The following ICA1 variants were observed in gnomAD, a reference collection of about 807,000 sequenced individuals.
ICA1 encodes the protein islet cell autoantigen 1.
Under a neutral mutation model 71.0 loss-of-function variants are expected in ICA1, and 40 were observed. The ratio of observed to expected loss-of-function variants is 0.56; its 90% CI spans 0.44 to 0.73. The LOEUF (loss-of-function observed/expected upper bound fraction) is 0.73, where lower values mean the gene tolerates loss of function less well. Ranked by LOEUF, ICA1 falls within the 30% of genes least tolerant of loss-of-function variation. The pLI, the probability that ICA1 is intolerant of heterozygous loss-of-function variation, is 0.00. For synonymous variants in ICA1, 207 were observed against 209.5 expected, an observed-to-expected ratio of 0.99 and a Z score of 0.10; for missense variants, 578 against 576.5, an observed-to-expected ratio of 1.00 and a Z score of -0.03.
chr7:8,230,760 T>C lies in ICA1; in HGVS notation c.183+1830A>G, dbSNP rs543838754. On this transcript the variant is annotated intron_variant, in intron 3 of 13. Transcript: ENST00000402384. The stretch of plus-strand genomic sequence containing the variant: ...TATAACAATCGAAACAGATGCTTCC[T>C]GGTTCTACTTTCCTCCATTGCAGAA... Among the ~76,000 whole-genome samples the C allele has an allele frequency of 5.6e-4, 85 of 152,366 alleles. 3 individuals carry two copies. In the South Asian group the frequency reaches 0.017, roughly 30 times the overall value.
chr7:8,261,214 G>C (rs1812213123), intron 1 of ICA1, among the ~76,000 whole-genome samples: 1 of 152,076 alleles, frequency 6.6e-6, no homozygotes, highest in African/African-American at 2.4e-5. Context: ...CCCCAACCAG[G>C]CAGTTAATGC....
chr7:8,171,615 T>C (rs1808374302), intron 6 of ICA1, among the ~76,000 whole-genome samples: 1 of 151,876 alleles, frequency 6.6e-6, no homozygotes, highest in Non-Finnish European at 1.5e-5. Context: ...CTGTTTATGG[T>C]TTCATTTGCC....
At position 8,135,500 on chromosome 7, in the gene ICA1, C is replaced by T. The variant is rs147813244; in HGVS notation, c.1060+3340G>A. ...GGAAAGTTCATGAGAAAAGAGAAGG[C>T]GCTTTTTAGAACTTGCCACTTCGTA... is the stretch of plus-strand genomic sequence containing the variant. On this transcript the variant is annotated intron_variant, in intron 12 of 13. Transcript: ENST00000402384. 4.1e-4 allele frequency among the ~76,000 whole-genome samples: 62 copies of T among 152,204 alleles called. No homozygotes were observed. In the South Asian group the frequency reaches 4.1e-3, roughly 10 times the overall value.
chr7:8,189,228 T>C (rs763411195), intron 6 of ICA1, among the ~76,000 whole-genome samples: 3 of 152,180 alleles, frequency 2.0e-5, no homozygotes, highest in African/African-American at 7.2e-5. Context: ...GCACAAAGCA[T>C]GTGCCCTGAG....
At chr7:8,138,301 C>G (rs2348894) in intron 12 of ICA1, among the ~76,000 whole-genome samples, 147,433 of 152,264 alleles carry the variant, frequency 0.97, 71,401 homozygotes, top group East Asian at 1. Context: ...TAGAGACTTA[C>G]TACAGTAAAT....
intron 13 of ICA1, among the ~76,000 whole-genome samples, chr7:8,115,211 A>G (rs900453507): frequency 6.6e-6 from 1 of 152,200 alleles, no homozygotes; most frequent in Non-Finnish European, 1.5e-5. Context: ...ATGGTGAGAA[A>G]ACTATATCAA....
chr7:8,124,157 G>C (rs894380986), intron 13 of ICA1, among the ~76,000 whole-genome samples: 6 of 117,574 alleles, frequency 5.1e-5, no homozygotes, highest in African/African-American at 2.0e-4. Context: ...GTCTCGCTCT[G>C]TCGCCCAGGC....
Position 8,234,197 on chromosome 7 carries a change from C to T in ICA1, c.18-1442G>A, listed in dbSNP as rs531494087. On this transcript the variant is annotated intron_variant, in intron 2 of 13. Transcript: ENST00000402384. This position sits in a 1 kb window ranked among gnomAD's most constrained non-coding sequence, Gnocchi z 4.5. ...CACCACTGCACTTCATCCTGGGATA[C>T]GGGGCGAGACCCTGTCCCTCAAAAA... Among the ~76,000 whole-genome samples the T allele has an allele frequency of 1.5e-4, 23 of 152,086 alleles. No homozygotes were observed. The East Asian group carries it at 4.2e-3, about 28-fold the overall frequency.
At chr7:8,230,740 C>T (rs1445661875) in intron 3 of ICA1, among the ~76,000 whole-genome samples, 1 of 152,152 alleles carries the variant, frequency 6.6e-6, no homozygotes, top group Non-Finnish European at 1.5e-5. Context: ...TAGAATATAA[C>T]AATCGAAACA....
intron 8 of ICA1, among the ~76,000 whole-genome samples, chr7:8,145,591 G>A (rs777938002): frequency 2.0e-5 from 3 of 151,624 alleles, no homozygotes; most frequent in Admixed American, 1.3e-4. Flanking sequence ...TTTTGTCTCC[G>A]TAAAATATTT....
chr7:8,160,045 AT>A (rs1803176356), intron 6 of ICA1, among the ~76,000 whole-genome samples: 1 of 152,160 alleles, frequency 6.6e-6, no homozygotes, highest in Admixed American at 6.6e-5. Flanking sequence ...GTTGTTCATC[AT>A]TATATTGCCT....
chr7:8,257,459 A>G (rs529126334), intron 1 of ICA1, among the ~76,000 whole-genome samples: 2 of 152,336 alleles, frequency 1.3e-5, no homozygotes, highest in African/African-American at 4.8e-5. Flanking sequence ...GCAATACTTA[A>G]GAGTCACTTC....
chr7:8,189,685 C>CGA (rs1585047759), intron 6 of ICA1, among the ~76,000 whole-genome samples: 1 of 151,908 alleles, frequency 6.6e-6, no homozygotes, highest in East Asian at 1.9e-4. Context: ...CCCCCAGCTC[C>CGA]GAGCCTGCAG....
intron 13 of ICA1, among the ~76,000 whole-genome samples, chr7:8,118,849 T>C (rs1269283800): frequency 2.0e-5 from 3 of 152,152 alleles, no homozygotes; most frequent in Non-Finnish European, 4.4e-5. Context: ...TCTCACAATG[T>C]GGGCCCTCAA....
intron 6 of ICA1, among the ~76,000 whole-genome samples, chr7:8,195,409 G>C (rs1316050839): frequency 6.6e-6 from 1 of 152,086 alleles, no homozygotes; most frequent in Non-Finnish European, 1.5e-5. Context: ...GGGTGTGGTG[G>C]CGCATGCTGA....
At chr7:8,254,723 G>C (rs1013378157) in intron 1 of ICA1, among the ~76,000 whole-genome samples, 3 of 151,820 alleles carry the variant, frequency 2.0e-5, no homozygotes, top group Non-Finnish European at 2.9e-5. Flanking sequence ...TTCCAGGTTA[G>C]GAGTGCAGAG....
At chr7:8,151,792 T>A (rs1798891128) in intron 8 of ICA1, among the ~76,000 whole-genome samples, 1 of 152,190 alleles carries the variant, frequency 6.6e-6, no homozygotes, top group South Asian at 2.1e-4. Context: ...GGATGTTTTT[T>A]GAATTTTCAA....
At chr7:8,114,712 T>C (rs1450396915) in intron 13 of ICA1, among the ~76,000 whole-genome samples, 1 of 152,242 alleles carries the variant, frequency 6.6e-6, no homozygotes, top group Non-Finnish European at 1.5e-5. Flanking sequence ...ATACCACGAT[T>C]ATACAGCCAA....
intron 8 of ICA1, among the ~76,000 whole-genome samples, chr7:8,148,717 T>G (rs570538052): frequency 1.4e-4 from 21 of 152,278 alleles, no homozygotes; most frequent in African/African-American, 4.8e-4. Flanking sequence ...AAGACAGAAT[T>G]TGTAGACCAA....
Sources: allele counts gnomAD v4.1 joint callset (sites outside exome capture counted in the v4.1 genomes callset), GRCh38; gene constraint gnomAD v4.1.1; non-coding constraint Gnocchi (gnomAD v3.1); transcripts MANE v1.5; gene names NCBI Gene and HGNC (gene_info 2026-07-23, HGNC 2026-07-21).